DPP6: variants seen among roughly 807,000 people sequenced by gnomAD.
DPP6 encodes the protein A-type potassium channel modulatory protein DPP6.
In DPP6, 69 loss-of-function variants were observed where a neutral mutation model predicts 122.6. That is an observed-to-expected ratio of 0.56 (90% confidence interval 0.46 to 0.69). The LOEUF (loss-of-function observed/expected upper bound fraction) is 0.69, where lower values mean the gene tolerates loss of function less well. Ranked by LOEUF, DPP6 falls within the 30% of genes least tolerant of loss-of-function variation. The pLI, the probability that DPP6 is intolerant of heterozygous loss-of-function variation, is 0.00. For synonymous variants in DPP6, 418 were observed against 433.1 expected (o/e 0.97, Z 0.43); for missense variants, 928 against 1,116.9 (o/e 0.83, Z 2.41).
At chr7:154,039,393 G>A (rs1361840049) in intron 1 of DPP6, among the ~76,000 whole-genome samples, 1 of 126,482 alleles carries the variant, frequency 7.9e-6, no homozygotes. Context: ...GACAGGTGCA[G>A]AAGTGATCAT....
At chr7:154,281,196 A>G (rs1406286007) in intron 1 of DPP6, among the ~76,000 whole-genome samples, 7 of 151,988 alleles carry the variant, frequency 4.6e-5, no homozygotes, top group Admixed American at 1.3e-4. Flanking sequence ...TATTTTTAGT[A>G]GAGACGGGGT....
chr7:154,248,899 A>G (rs1416637481), intron 1 of DPP6, among the ~76,000 whole-genome samples: 1 of 152,194 alleles, frequency 6.6e-6, no homozygotes, highest in Admixed American at 6.5e-5. Context: ...ATTGAACTGT[A>G]CATTTAAAAT....
intron 7 of DPP6, among the ~76,000 whole-genome samples, chr7:154,716,885 G>C (rs1841517890): frequency 6.6e-6 from 1 of 152,158 alleles, no homozygotes; most frequent in African/African-American, 2.4e-5. Flanking sequence ...CCAGGCTGCA[G>C]TGCAGTTGTG....
chr7:154,380,557 C>T (rs1813503700), intron 1 of DPP6, among the ~76,000 whole-genome samples: 1 of 152,208 alleles, frequency 6.6e-6, no homozygotes, highest in Admixed American at 6.5e-5. Flanking sequence ...CCAGGTGAAT[C>T]CCAGTTGGGA....
At chr7:153,951,998 G>A (rs10246873) in intron 1 of DPP6, among the ~76,000 whole-genome samples, 4,442 of 152,278 alleles carry the variant, frequency 0.029, 216 homozygotes, top group African/African-American at 0.1. Context: ...AGCCGAGATC[G>A]TGCCACTGCA....
At chr7:154,482,725 G>A (rs531100120) in intron 3 of DPP6, among the ~76,000 whole-genome samples, 5 of 152,120 alleles carry the variant, frequency 3.3e-5, no homozygotes, top group African/African-American at 1.2e-4. Flanking sequence ...CTTAATTTGC[G>A]CCATCTTCTG....
rs1586175114 is a variant in DPP6 at position 154,404,396 on chromosome 7, C to T, written c.244-41818C>T. On this transcript the variant is annotated intron_variant, in intron 1 of 25. Coordinates refer to ENST00000377770, the MANE Select transcript of DPP6 (RefSeq NM_130797.4). ...CATAAATGTTCCTTGAAGACAACAACATTAGACTTTATAAAATACCACACA... is the reference window on the plus strand; with the variant it reads ...CATAAATGTTCCTTGAAGACAACAATATTAGACTTTATAAAATACCACACA... Among the ~76,000 whole-genome samples the T allele has an allele frequency of 3.9e-5, 6 of 152,182 alleles. No homozygotes were observed. The South Asian group carries it at 1.0e-3, about 26-fold the overall frequency.
intron 1 of DPP6, among the ~76,000 whole-genome samples, chr7:154,138,064 C>T (rs1312560904): frequency 6.6e-6 from 1 of 152,184 alleles, no homozygotes; most frequent in African/African-American, 2.4e-5. Flanking sequence ...GCCAGCCTGG[C>T]TTCTGCTCCC....
chr7:154,208,884 G>A (rs564787270), intron 1 of DPP6, among the ~76,000 whole-genome samples: 3 of 152,128 alleles, frequency 2.0e-5, no homozygotes, highest in African/African-American at 7.2e-5. Context: ...AAATATGTAG[G>A]CTTTAAAGAT....
intron 1 of DPP6, among the ~76,000 whole-genome samples, chr7:154,031,599 A>G (rs957188319): frequency 6.6e-6 from 1 of 151,738 alleles, no homozygotes; most frequent in African/African-American, 2.4e-5. Context: ...GCATACCCCT[A>G]TTTGATAAGC....
chr7:153,775,952 T>C, the DPP6 span, among the ~76,000 whole-genome samples: 1 of 152,190 alleles, frequency 6.6e-6, no homozygotes, highest in Non-Finnish European at 1.5e-5. Context: ...ATATACTGTT[T>C]TCTTTGTTTG....
intron 1 of DPP6, among the ~76,000 whole-genome samples, chr7:154,149,183 G>A (rs1321288464): frequency 2.0e-5 from 3 of 152,392 alleles, no homozygotes; most frequent in African/African-American, 7.2e-5. Context: ...TACAGTGAAG[G>A]AACACAGGCT....
chr7:154,550,797 C>G (rs1829573725), intron 4 of DPP6, among the ~76,000 whole-genome samples: 1 of 145,562 alleles, frequency 6.9e-6, no homozygotes, highest in Non-Finnish European at 1.5e-5. Flanking sequence ...GTTGCCCAAG[C>G]TGGAGTGCAA....
intron 3 of DPP6, among the ~76,000 whole-genome samples, chr7:154,539,313 A>G (rs1828518722): frequency 6.6e-6 from 1 of 152,082 alleles, no homozygotes; most frequent in Non-Finnish European, 1.5e-5. Flanking sequence ...TCTGATTTTA[A>G]TTTGCATCAT....
intron 1 of DPP6, among the ~76,000 whole-genome samples, chr7:153,888,518 G>C (rs1281773828): frequency 6.6e-6 from 1 of 152,200 alleles, no homozygotes; most frequent in Non-Finnish European, 1.5e-5. Flanking sequence ...GCCTGCTCTC[G>C]GGCTCACGTT....
At chr7:154,265,295 A>G (rs1803351941) in intron 1 of DPP6, among the ~76,000 whole-genome samples, 1 of 152,118 alleles carries the variant, frequency 6.6e-6, no homozygotes. Context: ...GATGATGGTG[A>G]TGCTTCTGAT....
chr7:153,968,021 A>T (rs546243315), intron 1 of DPP6, among the ~76,000 whole-genome samples: 2 of 150,948 alleles, frequency 1.3e-5, no homozygotes, highest in Non-Finnish European at 2.9e-5. Context: ...TGCAAGGAAC[A>T]TATGCATACA....
At chr7:154,042,670 A>G (rs1350273834) in intron 1 of DPP6, among the ~76,000 whole-genome samples, 1 of 152,230 alleles carries the variant, frequency 6.6e-6, no homozygotes, top group African/African-American at 2.4e-5. Context: ...GTGACAAGGT[A>G]TGGGCTAGTC....
At chr7:154,621,334 T>C (rs889286510) in intron 5 of DPP6, among the ~76,000 whole-genome samples, 24 of 152,258 alleles carry the variant, frequency 1.6e-4, no homozygotes, top group African/African-American at 5.8e-4. Context: ...CTTTTCAACA[T>C]TGATTTTGAT....
Sources: gnomAD v4.1 joint callset for allele counts (sites outside exome capture counted in the v4.1 genomes callset) on GRCh38, gnomAD v4.1.1 for gene constraint, MANE v1.5 for transcripts, NCBI Gene and HGNC (gene_info 2026-07-23, HGNC 2026-07-21) for gene names.